Variants in PDE11A observed in about 807,000 individuals in gnomAD.
The protein encoded by PDE11A is phosphodiesterase 11A, also known as dual 3',5'-cyclic-AMP and -GMP phosphodiesterase 11A.
In PDE11A, 100 loss-of-function variants were observed where a neutral mutation model predicts 100.5. That is an observed-to-expected ratio of 1.00 (90% confidence interval 0.85 to 1.18). PDE11A has a LOEUF of 1.18. PDE11A is among the 50% of genes most tolerant of loss of function. The probability of loss-of-function intolerance (pLI) is 0.00; values close to 1 mark genes in which losing one functional copy is unlikely to be tolerated. For synonymous variants in PDE11A, 381 were observed against 420.8 expected (o/e 0.91, Z 1.16); for missense variants, 1,141 against 1,152.6 (o/e 0.99, Z 0.15).
intron 5 of PDE11A, among the ~76,000 whole-genome samples, chr2:177,861,711 T>G (rs946127996): frequency 1.3e-5 from 2 of 151,960 alleles, no homozygotes; most frequent in Non-Finnish European, 2.9e-5. Flanking sequence ...AATGTGATAC[T>G]GGCATGAAGA....
chr2:177,894,916 C>A (rs1004711579), intron 4 of PDE11A, among the ~76,000 whole-genome samples: 2 of 152,116 alleles, frequency 1.3e-5, no homozygotes, highest in Non-Finnish European at 2.9e-5. Flanking sequence ...CAATATACAC[C>A]TTCCATGTAT....
chr2:177,873,219 T>G (rs2084171443), intron 5 of PDE11A, among the ~76,000 whole-genome samples: 3 of 152,120 alleles, frequency 2.0e-5, no homozygotes, highest in African/African-American at 2.4e-5. Context: ...ATTGAAGCAT[T>G]AGGACTTCAA....
At chr2:178,009,545 G>C (rs1175133237) in intron 2 of PDE11A, among the ~76,000 whole-genome samples, 1 of 115,612 alleles carries the variant, frequency 8.6e-6, no homozygotes, top group African/African-American at 2.7e-5. Flanking sequence ...CATTAAAAGG[G>C]AAGCTTTCAG....
At chr2:177,814,862 A>G (rs565045457) in intron 9 of PDE11A, among the ~76,000 whole-genome samples, 34 of 152,140 alleles carry the variant, frequency 2.2e-4, no homozygotes, top group Non-Finnish European at 4.4e-4. Context: ...TGCCAGTGAG[A>G]GTGGTGCCTT....
intron 1 of PDE11A, among the ~76,000 whole-genome samples, chr2:178,028,005 T>A (rs1229146190): frequency 6.6e-6 from 1 of 152,190 alleles, no homozygotes; most frequent in Non-Finnish European, 1.5e-5. Flanking sequence ...CACAGCAGTG[T>A]GTTCCACCAC....
At chr2:177,831,922 T>C (rs1435217596) in intron 6 of PDE11A, among the ~76,000 whole-genome samples, 1 of 152,192 alleles carries the variant, frequency 6.6e-6, no homozygotes, top group African/African-American at 2.4e-5. Context: ...CGGCTTTAGC[T>C]ATATGTTTCA....
rs1161722345 is a variant in PDE11A, at chr2:177,711,773, C to T, written c.2149G>A (p.Ala717Thr). Residue 717 changes from alanine to threonine, a missense_variant, in exon 13 of 20, where the codon GCT (alanine) becomes ACT (threonine). Ala to Thr is a moderately conservative substitution (Grantham distance 58). Transcript: ENST00000286063. Reference protein sequence around the residue: ...DHRGTNNAFQAKSGSALAQLY... With the variant: ...DHRGTNNAFQTKSGSALAQLY... ...ACAACAGTTTAGAACACTTACTTAG[C>T]TTGGAAGGCATTGTTGGTTCCCCTG... 4.5e-6 allele frequency: 7 copies of T among 1,542,296 alleles called. No homozygotes were observed. In the African/African-American group the frequency reaches 8.1e-5, roughly 18 times the overall value.
chr2:178,025,580 C>T (rs898487963), intron 1 of PDE11A, among the ~76,000 whole-genome samples: 1 of 152,016 alleles, frequency 6.6e-6, no homozygotes, highest in Non-Finnish European at 1.5e-5. Context: ...GCAAAATACA[C>T]AGGAAAATGA....
At chr2:177,885,058 T>C (rs2084406574) in intron 4 of PDE11A, among the ~76,000 whole-genome samples, 1 of 152,108 alleles carries the variant, frequency 6.6e-6, no homozygotes, top group Non-Finnish European at 1.5e-5. Flanking sequence ...TAGTTGAAGA[T>C]TATATAAATA....
intron 2 of PDE11A, among the ~76,000 whole-genome samples, chr2:177,979,077 TA>T (rs72020976): frequency 0.012 from 1,389 of 112,974 alleles, 26 homozygotes; most frequent in African/African-American, 0.021. Context: ...TAGAGTATAA[TA>T]AAAAAAAAAA....
intron 2 of PDE11A, among the ~76,000 whole-genome samples, chr2:177,943,816 A>G (rs909152318): frequency 1.3e-5 from 2 of 152,202 alleles, no homozygotes. Context: ...CAGTGTAACG[A>G]AACTTTCCCC....
chr2:178,096,586 C>T (rs181684308), intron 2 of PDE11A, among the ~76,000 whole-genome samples: 9 of 152,276 alleles, frequency 5.9e-5, no homozygotes, highest in Admixed American at 3.3e-4. Context: ...TACCCTAAAT[C>T]ATCTCTCTCA....
intron 16 of PDE11A, among the ~76,000 whole-genome samples, chr2:177,680,361 C>T (rs936862218): frequency 2.9e-4 from 44 of 152,144 alleles, no homozygotes; most frequent in African/African-American, 1.0e-3. Context: ...ACTTGGAAGA[C>T]GTCCCAGGCA....
intron 6 of PDE11A, among the ~76,000 whole-genome samples, chr2:177,832,185 G>A (rs80289606): frequency 0.02 from 3,027 of 152,314 alleles, 49 homozygotes; most frequent in Non-Finnish European, 0.029. Flanking sequence ...TTAATACTGA[G>A]TGTTAACTTG....
chr2:177,928,838 G>A (rs1445972743), intron 2 of PDE11A, among the ~76,000 whole-genome samples: 1 of 151,874 alleles, frequency 6.6e-6, no homozygotes, highest in Non-Finnish European at 1.5e-5. Flanking sequence ...ACTGTAGCCT[G>A]GGTTACAGAG....
At chr2:177,697,546 A>G (rs1289099214) in intron 14 of PDE11A, 114 bp from the exon 15 acceptor site, 3 of 666,684 alleles carry the variant, frequency 4.5e-6, no homozygotes, top group Non-Finnish European at 8.2e-6. Context: ...ACTTTTTAAA[A>G]AGCATAGTGA....
intron 2 of PDE11A, among the ~76,000 whole-genome samples, chr2:177,962,856 C>CA (rs534119139): frequency 3.0e-4 from 46 of 151,674 alleles, no homozygotes; most frequent in South Asian, 8.3e-4. Context: ...AAAAAAATCT[C>CA]AAAAAAAATC....
At chr2:177,897,221 G>A (rs2084625132) in intron 4 of PDE11A, among the ~76,000 whole-genome samples, 3 of 152,156 alleles carry the variant, frequency 2.0e-5, no homozygotes, top group Admixed American at 1.3e-4. Context: ...TTGCTGCCAA[G>A]GGTTTAGACA....
chr2:178,000,216 A>T (rs1243150643), intron 2 of PDE11A, among the ~76,000 whole-genome samples: 1 of 81,062 alleles, frequency 1.2e-5, no homozygotes, highest in African/African-American at 2.9e-5. Flanking sequence ...CCTTCAATTC[A>T]GAAAAGAAGG....
Sources: allele counts gnomAD v4.1 joint callset (sites outside exome capture counted in the v4.1 genomes callset), GRCh38; gene constraint gnomAD v4.1.1; transcripts MANE v1.5; gene names NCBI Gene and HGNC (gene_info 2026-07-23, HGNC 2026-07-21).